The following MYB variants were observed in gnomAD, a reference collection of about 807,000 sequenced individuals.
The protein encoded by MYB is transcriptional activator Myb.
Under a neutral mutation model 92.9 loss-of-function variants are expected in MYB, and 28 were observed. The ratio of observed to expected loss-of-function variants is 0.30; its 90% CI spans 0.22 to 0.41. MYB has a LOEUF of 0.41. Ranked by LOEUF, MYB falls within the 10% of genes least tolerant of loss-of-function variation. The probability of loss-of-function intolerance (pLI) is 1.00; values close to 1 mark genes in which losing one functional copy is unlikely to be tolerated. For missense variants in MYB, 679 were observed against 929.3 expected (o/e 0.73, Z 3.50); for synonymous variants, 295 against 329.1 (o/e 0.90, Z 1.12).
chr6:135,206,219 A>T (rs796392081), intron 15 of MYB, among the ~76,000 whole-genome samples: 1,982 of 142,444 alleles, frequency 0.014, 15 homozygotes, highest in African/African-American at 0.025. Flanking sequence ...AAAAAAAAAA[A>T]AAAAAAAATA....
At chr6:135,206,342 G>A (rs369011073) in intron 15 of MYB, among the ~76,000 whole-genome samples, 5 of 151,698 alleles carry the variant, frequency 3.3e-5, no homozygotes, top group Admixed American at 2.0e-4. Context: ...AGGTTACAGT[G>A]AGCTATGATT....
In MYB at chr6:135,190,494, G is replaced by A; in HGVS notation, c.527+147G>A. On this transcript the variant is annotated intron_variant, in intron 5 of 15. Coordinates refer to ENST00000341911, the MANE Select transcript of MYB (RefSeq NM_001130173.2). The surrounding 1 kb of genome is among the most constrained non-coding windows in gnomAD (Gnocchi z 4.5). The stretch of plus-strand genomic sequence containing the variant: ...ACCAGCTACATAGCTTTTAGAGATT[G>A]AAGACATCTTAGAGTTTATTTGGTT... 2 of 691,346 alleles carry A rather than the reference G, an allele frequency of 2.9e-6. No individual in the cohort carries two copies. Among genetic ancestry groups the A allele is most frequent in the South Asian group, 3.9e-5 (2 of 51,136 alleles). 42.8% of individuals were successfully genotyped at this position (691,346 alleles called of 1,614,324 possible). A position where few individuals can be genotyped will look rare whatever the true frequency, so the allele number is the denominator to read the frequency against.
intron 13 of MYB, 140 bp from the exon 14 acceptor site, chr6:135,201,499 A>G: frequency 2.0e-6 from 1 of 501,718 alleles, no homozygotes; most frequent in Admixed American, 3.5e-5. Context: ...TCCAGAAGAT[A>G]GAGCAAATTG....
At chr6:135,213,359 A>C (rs548134810) in intron 15 of MYB, among the ~76,000 whole-genome samples, 12 of 152,318 alleles carry the variant, frequency 7.9e-5, no homozygotes, top group Admixed American at 2.6e-4. Context: ...TCAGAACTCT[A>C]ATTACAAATA....
At chr6:135,186,301 T>A (rs1474814121) in intron 2 of MYB, among the ~76,000 whole-genome samples, 1 of 152,234 alleles carries the variant, frequency 6.6e-6, no homozygotes, top group Non-Finnish European at 1.5e-5. Context: ...TTCTTCCTAC[T>A]TTTACATTAC....
In MYB at chr6:135,201,645, T is replaced by C; in HGVS notation, c.1957T>C (p.Ser653Pro). The change falls in exon 14 of 16, where the codon TCT becomes CCT. Residue 653 changes from serine (S) to proline (P), a missense_variant. Around this residue, in one of 8 missense-constraint regions of MYB, gnomAD observed 402 missense variants for 434.2 expected, o/e 0.93. Coordinates refer to ENST00000341911, the MANE Select transcript of MYB (RefSeq NM_001130173.2). ...LLKKIKQEVE[S>P]PTDKSGNFFC... ...ACTTTCTATATGCTTTTAGGTGGAATCTCCAACTGATAAATCAGGAAACTT... is the reference window on the plus strand; with the variant it reads ...ACTTTCTATATGCTTTTAGGTGGAACCTCCAACTGATAAATCAGGAAACTT... 1.2e-6 allele frequency: 2 copies of C among 1,603,620 alleles called. No homozygotes were observed. Among genetic ancestry groups the C allele is most frequent in the Non-Finnish European group, 1.7e-6 (2 of 1,172,862 alleles).
At chr6:135,217,369 C>A (rs1198442420) in intron 15 of MYB, among the ~76,000 whole-genome samples, 23 of 145,116 alleles carry the variant, frequency 1.6e-4, no homozygotes, top group South Asian at 2.2e-4. Flanking sequence ...GACTCTGTCT[C>A]AAAAAAAAAA....
chr6:135,187,438 C>A (rs1203311253), intron 2 of MYB, among the ~76,000 whole-genome samples: 2 of 152,102 alleles, frequency 1.3e-5, no homozygotes, highest in African/African-American at 4.8e-5. Context: ...TTATAATAAA[C>A]ACTCAATATA....
intron 3 of MYB, among the ~76,000 whole-genome samples, chr6:135,189,301 C>G (rs952555874): frequency 1.4e-4 from 22 of 152,174 alleles, no homozygotes; most frequent in African/African-American, 5.1e-4. Flanking sequence ...TATAAGTTTA[C>G]AAACTCCTGT....
chr6:135,197,050 A>T lies in MYB; in HGVS notation c.1293A>T (p.Leu431=). The T allele has an allele frequency of 6.2e-7, 1 of 1,614,058 alleles. No homozygotes were observed. Among genetic ancestry groups the T allele is most frequent in the African/African-American group, 1.3e-5 (1 of 75,072 alleles). Residue 431 remains leucine, a synonymous_variant, in exon 10 of 16, where the codon CTA becomes CTT. Coordinates refer to ENST00000341911, the MANE Select transcript of MYB (RefSeq NM_001130173.2). ...GCCAACATCACACAGGCAAAGCCCT[A>T]CAGCTTCAGCAAAGAGAGGGCAATG... The part of the protein sequence containing the change: ...SPSQHHTGKA[L]QLQQREGNGT...
At chr6:135,201,383 A>C (rs764663050) in intron 13 of MYB, among the ~76,000 whole-genome samples, 3 of 152,262 alleles carry the variant, frequency 2.0e-5, no homozygotes, top group Admixed American at 6.5e-5. Flanking sequence ...TTAATAGAAT[A>C]AACACCTAGA....
chr6:135,218,203 A>T lies in MYB; in HGVS notation c.*223A>T. 2.2e-6 allele frequency: 1 copy of T among 458,596 alleles called. No individual in the cohort carries two copies. Among genetic ancestry groups the T allele is most frequent in the African/African-American group, 2.1e-5 (1 of 48,664 alleles). 28.4% of individuals were successfully genotyped at this position (458,596 alleles called of 1,614,324 possible). The stretch of plus-strand genomic sequence containing the variant: ...AAATAACAGTCTTACCTAAATTATT[A>T]GGTAATGAATTGTAGCCAGTTGTTA... On this transcript the variant is annotated 3_prime_UTR_variant, in exon 16 of 16. Transcript: ENST00000341911.
intron 1 of MYB, among the ~76,000 whole-genome samples, chr6:135,183,350 C>G (rs1267736387): frequency 6.6e-6 from 1 of 152,164 alleles, no homozygotes; most frequent in East Asian, 1.9e-4. Context: ...AAGGCACTTC[C>G]TCCCGCTCCC....
At chr6:135,184,730 A>G (rs1280031199) in intron 1 of MYB, among the ~76,000 whole-genome samples, 1 of 152,182 alleles carries the variant, frequency 6.6e-6, no homozygotes, top group Non-Finnish European at 1.5e-5. Flanking sequence ...TTTAAAAACA[A>G]TGATTTACAT....
chr6:135,203,880 G>C, intron 15 of MYB: 2 of 1,192,738 alleles, frequency 1.7e-6, no homozygotes, highest in Non-Finnish European at 2.1e-6. Context: ...TATCAAAAGA[G>C]ATTTCCCTTG....
intron 11 of MYB, 88 bp from the exon 12 acceptor site, chr6:135,199,997 C>A: frequency 1.0e-6 from 1 of 993,762 alleles, no homozygotes; most frequent in Admixed American, 1.9e-5. Context: ...TTATTGTATT[C>A]AGTGGAAAAA....
In MYB at chr6:135,196,799, C is replaced by G. The variant is rs139391134; in HGVS notation, c.1204-162C>G. 1,688 of 1,565,892 alleles carry G rather than the reference C, an allele frequency of 1.1e-3. 12 individuals carry two copies. In the African/African-American group the frequency reaches 0.013, roughly 12 times the overall value. On this transcript the variant is annotated intron_variant, in intron 9 of 15. Coordinates refer to ENST00000341911, the MANE Select transcript of MYB (RefSeq NM_001130173.2). Reference sequence around the variant, plus strand: ...AGGCAGCCCACTAGACCCTGCTCTACTGCAGTATAATAGAGCAACTGCTCA... The same window carrying G: ...AGGCAGCCCACTAGACCCTGCTCTAGTGCAGTATAATAGAGCAACTGCTCA...
At chr6:135,214,290 T>C (rs1405970375) in intron 15 of MYB, among the ~76,000 whole-genome samples, 3 of 149,498 alleles carry the variant, frequency 2.0e-5, no homozygotes, top group Admixed American at 6.7e-5. Flanking sequence ...AAAAGAAAAA[T>C]GGACAAGAAA....
intron 14 of MYB, chr6:135,202,633 G>A (rs1583347102): frequency 4.5e-6 from 1 of 223,710 alleles, no homozygotes; most frequent in Non-Finnish European, 9.0e-6. Context: ...CTCCCAAAGT[G>A]CTAGGATTAC....
Sources: allele counts gnomAD v4.1 joint callset (sites outside exome capture counted in the v4.1 genomes callset), GRCh38; gene constraint gnomAD v4.1.1; regional missense constraint gnomAD v4.1.1; non-coding constraint Gnocchi (gnomAD v3.1); transcripts MANE v1.5; gene names NCBI Gene and HGNC (gene_info 2026-07-23, HGNC 2026-07-21).